The following OR1L8 variants were observed in gnomAD, a reference collection of about 807,000 sequenced individuals.
The protein encoded by OR1L8 is olfactory receptor family 1 subfamily L member 8, also known as olfactory receptor 1L8.
For synonymous variants in OR1L8, 148 were observed against 147.0 expected (o/e 1.01, Z -0.05); for missense variants, 330 against 377.4 (o/e 0.87, Z 1.04).
chr9:122,552,403 G>A, the OR1L8 span, among the ~76,000 whole-genome samples: 5 of 152,188 alleles, frequency 3.3e-5, no homozygotes, highest in Non-Finnish European at 7.3e-5. Flanking sequence ...AAATGTAGGG[G>A]TGAAGGCACA....
intron 1 of OR1L8, among the ~76,000 whole-genome samples, chr9:122,579,745 T>C (rs34464007): frequency 0.11 from 16,720 of 152,200 alleles, 1,113 homozygotes; most frequent in South Asian, 0.18. Flanking sequence ...TTAGTCAAGA[T>C]TTGTGTAGGG....
downstream of OR1L8, among the ~76,000 whole-genome samples, chr9:122,565,914 G>T (rs1829421052): frequency 6.6e-6 from 1 of 152,186 alleles, no homozygotes; most frequent in South Asian, 2.1e-4. Context: ...CTAAACTCAG[G>T]CTTGGAGTAA....
downstream of OR1L8, among the ~76,000 whole-genome samples, chr9:122,564,984 G>A (rs1192029476): frequency 6.6e-6 from 1 of 152,178 alleles, no homozygotes. Flanking sequence ...TCATTGGTAG[G>A]ACATTTGTGT....
intron 4 of OR1L8, 49 bp from the exon 5 acceptor site, chr9:122,568,738 C>G (rs1335199750): frequency 2.7e-6 from 1 of 371,650 alleles, no homozygotes; most frequent in South Asian, 6.5e-5. Context: ...CAGAAGTGGA[C>G]TCCTCTAATT....
At chr9:122,553,745 T>C in the OR1L8 span, 30 of 1,613,416 alleles carry the variant, frequency 1.9e-5, no homozygotes, top group Non-Finnish European at 2.5e-5. Context: ...AAGCCATCCC[T>C]CATTTCTATT....
At chr9:122,564,592 G>A (rs752653722), downstream of OR1L8, among the ~76,000 whole-genome samples, 27 of 152,312 alleles carry the variant, frequency 1.8e-4, no homozygotes, top group Non-Finnish European at 3.8e-4. Context: ...TATTTGGCCT[G>A]TGCAGAAGAT....
the OR1L8 span, among the ~76,000 whole-genome samples, chr9:122,554,551 A>G: frequency 6.6e-6 from 1 of 152,180 alleles, no homozygotes; most frequent in Non-Finnish European, 1.5e-5. Context: ...ACTATCCACA[A>G]TGTTCCTCAT....
rs984424312 is a variant in OR1L8 at position 122,568,177 on chromosome 9, G to A, written c.301C>T (p.Gln101Ter). The A allele has an allele frequency of 1.9e-6, 3 of 1,614,096 alleles. No individual in the cohort carries two copies. The highest frequency in any genetic ancestry group is 2.2e-5 in the East Asian group (1 of 44,894). The change falls in exon 5 of 5, where the codon CAG becomes TAG. Residue 101 changes from glutamine (Q) to a stop codon, truncating the protein, a stop_gained. Coordinates refer to ENST00000641027, the MANE Select transcript of OR1L8 (RefSeq NM_001004454.2). LOFTEE classifies it low-confidence loss of function (END_TRUNC). The part of the protein sequence containing the change: ...KTISYAGCLT[Q>*]MYFLYALGNS... Reference sequence around the variant, plus strand: ...CCCAAGGCATAGAGAAAATACATCTGTGTCAGACACCCAGCATAGGAGATG... The same window carrying A: ...CCCAAGGCATAGAGAAAATACATCTATGTCAGACACCCAGCATAGGAGATG...
chr9:122,564,566 C>G (rs1205883277), downstream of OR1L8, among the ~76,000 whole-genome samples: 2 of 152,166 alleles, frequency 1.3e-5, no homozygotes, highest in African/African-American at 2.4e-5. Flanking sequence ...CCCACCACAT[C>G]CCTGCTTAAC....
intron 3 of OR1L8, 103 bp downstream of exon 3, chr9:122,576,663 G>A (rs1412249174): frequency 1.3e-5 from 2 of 152,208 alleles, no homozygotes; most frequent in African/African-American, 2.4e-5. Context: ...TCACAACAGT[G>A]TGTGGGCCTT....
At chr9:122,574,297 G>T (rs777912745) in intron 3 of OR1L8, among the ~76,000 whole-genome samples, 3 of 152,148 alleles carry the variant, frequency 2.0e-5, no homozygotes, top group Non-Finnish European at 4.4e-5. Context: ...GAATTCAGGA[G>T]AATTGACCTT....
chr9:122,558,311 CTTTTTTTTTTTTTT>C, the OR1L8 span, among the ~76,000 whole-genome samples: 10 of 34,472 alleles, frequency 2.9e-4, no homozygotes, highest in African/African-American at 8.6e-4. Flanking sequence ...TTGGATTTTG[CTTTTTTTTTTTTTT>C]TTTTTTTTTT....
chr9:122,558,188 ATGTCCTAT>A, the OR1L8 span, among the ~76,000 whole-genome samples: 97,440 of 150,332 alleles, frequency 0.65, 32,075 homozygotes, highest in East Asian at 0.98. Flanking sequence ...TTCTTTAATA[ATGTCCTAT>A]TGTCCTATTT....
chr9:122,561,146 G>T, the OR1L8 span, among the ~76,000 whole-genome samples: 1 of 152,158 alleles, frequency 6.6e-6, no homozygotes, highest in African/African-American at 2.4e-5. Flanking sequence ...TATGCTTCAT[G>T]AAGTTCTTGT....
chr9:122,552,749 A>AGTGTGTGTGT, the OR1L8 span, among the ~76,000 whole-genome samples: 3,557 of 129,626 alleles, frequency 0.027, 88 homozygotes, highest in Admixed American at 0.035. Flanking sequence ...AGAGGGCTTG[A>AGTGTGTGTGT]GTGTGTGTGT....
downstream of OR1L8, among the ~76,000 whole-genome samples, chr9:122,566,197 C>T (rs4836897): frequency 0.27 from 41,491 of 152,100 alleles, 5,837 homozygotes; most frequent in Middle Eastern, 0.35. Flanking sequence ...GTGCCAAAAT[C>T]GTGTTTTTAG....
downstream of OR1L8, among the ~76,000 whole-genome samples, chr9:122,565,565 G>A (rs1156556033): frequency 6.6e-6 from 1 of 152,162 alleles, no homozygotes; most frequent in Non-Finnish European, 1.5e-5. Context: ...CCAACGCTGA[G>A]CCCCCCAATG....
intron 4 of OR1L8, among the ~76,000 whole-genome samples, chr9:122,570,879 G>A (rs140461135): frequency 7.9e-5 from 12 of 152,182 alleles, no homozygotes; most frequent in South Asian, 2.1e-4. Context: ...ACTAAATTCC[G>A]TAATAAGGAA....
chr9:122,550,197 G>T, the OR1L8 span, among the ~76,000 whole-genome samples: 45,680 of 151,824 alleles, frequency 0.3, 7,378 homozygotes, highest in East Asian at 0.54. Flanking sequence ...CGAAGATTGT[G>T]CCAGGAACAA....
Sources: allele counts gnomAD v4.1 joint callset (sites outside exome capture counted in the v4.1 genomes callset), GRCh38; gene constraint gnomAD v4.1.1; transcripts MANE v1.5; gene names NCBI Gene and HGNC (gene_info 2026-07-23, HGNC 2026-07-21).